The following PLCB1 variants were observed in gnomAD, a reference collection of about 807,000 sequenced individuals.
PLCB1 encodes the protein phospholipase C beta 1.
In PLCB1, 46 loss-of-function variants were observed where a neutral mutation model predicts 161.8. The ratio of observed to expected loss-of-function variants is 0.28; its 90% confidence interval spans 0.22 to 0.36. The LOEUF (loss-of-function observed/expected upper bound fraction) is 0.36, where lower values mean the gene tolerates loss of function less well. Ranked by LOEUF, PLCB1 falls within the 10% of genes least tolerant of loss-of-function variation. PLCB1 has a pLI of 1.00. For missense variants in PLCB1, 1,016 were observed against 1,472.5 expected (o/e 0.69, Z 5.07); for synonymous variants, 517 against 503.7 (o/e 1.03, Z -0.35).
At chr20:8,374,084 C>T (rs1986990675) in intron 3 of PLCB1, among the ~76,000 whole-genome samples, 1 of 152,040 alleles carries the variant, frequency 6.6e-6, no homozygotes, top group Non-Finnish European at 1.5e-5. Context: ...TCTGATATGG[C>T]TTGGCTGTGT....
At chr20:8,685,495 G>A (rs1265278219) in intron 10 of PLCB1, among the ~76,000 whole-genome samples, 3 of 151,474 alleles carry the variant, frequency 2.0e-5, no homozygotes, top group East Asian at 1.9e-4. Context: ...ACGGCGAGGC[G>A]GGCGGATCAC....
chr20:8,864,872 T>A (rs6086664), intron 31 of PLCB1, among the ~76,000 whole-genome samples: 42,847 of 152,090 alleles, frequency 0.28, 7,359 homozygotes, highest in East Asian at 0.65. Flanking sequence ...AGGTTGAGTG[T>A]TCTGAAGAAA....
At chr20:8,291,790 G>A (rs1274179714) in intron 2 of PLCB1, among the ~76,000 whole-genome samples, 1 of 152,106 alleles carries the variant, frequency 6.6e-6, no homozygotes, top group Non-Finnish European at 1.5e-5. Flanking sequence ...AGATGGGGAA[G>A]TTGAAGCACT....
chr20:8,340,188 C>T (rs1259968477), intron 2 of PLCB1, among the ~76,000 whole-genome samples: 2 of 152,108 alleles, frequency 1.3e-5, no homozygotes, highest in Admixed American at 6.5e-5. Context: ...CTGCCTAGGC[C>T]TCTGCCTTTC....
At chr20:8,232,844 G>T (rs1600250499) in intron 2 of PLCB1, among the ~76,000 whole-genome samples, 1 of 152,082 alleles carries the variant, frequency 6.6e-6, no homozygotes, top group Non-Finnish European at 1.5e-5. Context: ...TTCTAGATTT[G>T]ACCTACCTTT....
At chr20:8,648,100 T>A in intron 6 of PLCB1, 147 bp downstream of exon 6, 1 of 537,918 alleles carries the variant, frequency 1.9e-6, no homozygotes, top group Non-Finnish European at 3.3e-6. Flanking sequence ...ATGTCTCATG[T>A]CAGTGCAGCT....
chr20:8,721,714 A>G (rs943269881), intron 14 of PLCB1, among the ~76,000 whole-genome samples: 3 of 152,180 alleles, frequency 2.0e-5, no homozygotes. Flanking sequence ...ACATCCATCA[A>G]ATAAGCTTGC....
At chr20:8,209,212 CTAAG>C (rs75457294) in intron 2 of PLCB1, among the ~76,000 whole-genome samples, 31,820 of 150,062 alleles carry the variant, frequency 0.21, 3,396 homozygotes, top group South Asian at 0.27. Context: ...TTTTTTTTTT[CTAAG>C]TAAGTAAGTA....
intron 2 of PLCB1, among the ~76,000 whole-genome samples, chr20:8,321,421 A>G (rs1282443814): frequency 6.6e-6 from 1 of 151,896 alleles, no homozygotes; most frequent in Non-Finnish European, 1.5e-5. Context: ...AACTTCCATG[A>G]TCTGCTGCCT....
At chr20:8,239,551 T>C (rs1437600118) in intron 2 of PLCB1, among the ~76,000 whole-genome samples, 1 of 151,494 alleles carries the variant, frequency 6.6e-6, no homozygotes, top group African/African-American at 2.4e-5. Context: ...TTTTACCAAA[T>C]AGTGCTTCAG....
intron 3 of PLCB1, among the ~76,000 whole-genome samples, chr20:8,495,620 A>G (rs1983136135): frequency 6.6e-6 from 1 of 151,428 alleles, no homozygotes; most frequent in African/African-American, 2.4e-5. Context: ...GATAGTCTGG[A>G]TCTCCTGACC....
intron 2 of PLCB1, among the ~76,000 whole-genome samples, chr20:8,227,314 G>C (rs1056927094): frequency 5.9e-5 from 9 of 152,180 alleles, no homozygotes; most frequent in Non-Finnish European, 1.2e-4. Context: ...GGCTTTGCCT[G>C]TCTACATTAG....
chr20:8,459,927 A>G (rs1981500411), intron 3 of PLCB1, among the ~76,000 whole-genome samples: 1 of 152,224 alleles, frequency 6.6e-6, no homozygotes, highest in Admixed American at 6.5e-5. Context: ...AATGATAAAT[A>G]TCAATATGTG....
rs184434053 is a variant in PLCB1 at position 8,584,199 on chromosome 20, G to A, written c.247-44095G>A. On this transcript the variant is annotated intron_variant, in intron 3 of 31. Transcript: ENST00000338037. ...ACGGTCATAGAAGGTTTATCATTAG[G>A]TGGCAAAATTTGATCATATTCAAAA... Among the ~76,000 whole-genome samples the A allele has an allele frequency of 5.3e-5, 8 of 152,026 alleles. No homozygotes were observed. The East Asian group carries it at 1.2e-3, about 22-fold the overall frequency.
At chr20:8,705,722 C>T (rs1978633370) in intron 11 of PLCB1, among the ~76,000 whole-genome samples, 1 of 152,130 alleles carries the variant, frequency 6.6e-6, no homozygotes, top group African/African-American at 2.4e-5. Context: ...TGAAAGCATG[C>T]TTGATGTATT....
At chr20:8,830,063 T>C (rs1249216488) in intron 31 of PLCB1, among the ~76,000 whole-genome samples, 1 of 152,204 alleles carries the variant, frequency 6.6e-6, no homozygotes, top group Non-Finnish European at 1.5e-5. Context: ...GATGGCCTAC[T>C]AATAATATAA....
chr20:8,228,111 AT>A, intron 2 of PLCB1, among the ~76,000 whole-genome samples: 1 of 152,038 alleles, frequency 6.6e-6, no homozygotes, highest in Non-Finnish European at 1.5e-5. Context: ...GTGAGCTGAG[AT>A]TGTGCCATTG....
At chr20:8,290,819 C>G (rs1022936021) in intron 2 of PLCB1, among the ~76,000 whole-genome samples, 17 of 152,080 alleles carry the variant, frequency 1.1e-4, no homozygotes, top group African/African-American at 3.9e-4. Flanking sequence ...GACTTGAAGA[C>G]CTTTAACTAA....
chr20:8,651,055 A>G (rs1439586195), intron 7 of PLCB1, among the ~76,000 whole-genome samples: 7 of 152,286 alleles, frequency 4.6e-5, no homozygotes, highest in Non-Finnish European at 5.9e-5. Context: ...ATGATTTGTT[A>G]CTATTGTTTC....
Sources: allele counts gnomAD v4.1 joint callset (sites outside exome capture counted in the v4.1 genomes callset), GRCh38; gene constraint gnomAD v4.1.1; transcripts MANE v1.5; gene names NCBI Gene and HGNC (gene_info 2026-07-23, HGNC 2026-07-21).